CNTNAP2: variants seen among roughly 807,000 people sequenced by gnomAD.
The protein encoded by CNTNAP2 is contactin associated protein 2.
CNTNAP2 carries 98 observed loss-of-function variants against 155.2 expected under a neutral mutation model. That is an observed-to-expected ratio of 0.63 (90% confidence interval 0.54 to 0.75). The LOEUF is 0.75. Ranked by LOEUF, CNTNAP2 falls within the 30% of genes least tolerant of loss-of-function variation. The pLI is 0.00. For synonymous variants in CNTNAP2, 651 were observed against 631.2 expected, an observed-to-expected ratio of 1.03 and a Z score of -0.47; for missense variants, 1,727 against 1,688.1, an observed-to-expected ratio of 1.02 and a Z score of -0.40.
chr7:147,028,360 G>A (rs763507088), intron 3 of CNTNAP2, among the ~76,000 whole-genome samples: 2 of 152,208 alleles, frequency 1.3e-5, no homozygotes, highest in Non-Finnish European at 2.9e-5. Flanking sequence ...TATTGTAACT[G>A]AAGAAGTGAG....
chr7:147,652,309 G>A lies in CNTNAP2; in HGVS notation c.2098+13003G>A, dbSNP rs73744517. On this transcript the variant is annotated intron_variant, in intron 13 of 23. Coordinates refer to ENST00000361727, the MANE Select transcript of CNTNAP2 (RefSeq NM_014141.6). ...CCACAGCCATTATGACCTTCATCCC[G>A]TATCTTAAAATCTCTATAAAAACAT... is the stretch of plus-strand genomic sequence containing the variant. Among the ~76,000 whole-genome samples, 1,027 of 152,176 alleles carry A rather than the reference G, an allele frequency of 6.7e-3. 17 individuals carry two copies. The highest frequency in any genetic ancestry group is 0.024 in the African/African-American group (992 of 41,530).
chr7:148,147,324 T>C (rs1805202814), intron 16 of CNTNAP2, among the ~76,000 whole-genome samples, 167 bp from the exon 17 acceptor site: 1 of 152,214 alleles, frequency 6.6e-6, no homozygotes, highest in African/African-American at 2.4e-5. Flanking sequence ...TAATGGTTAA[T>C]GATTGACATT....
intron 2 of CNTNAP2, among the ~76,000 whole-genome samples, chr7:146,782,595 G>A (rs1017444935): frequency 5.9e-5 from 9 of 152,114 alleles, no homozygotes; most frequent in Non-Finnish European, 1.3e-4. Flanking sequence ...TAATGATAAA[G>A]GATATAATAT....
chr7:147,725,305 A>C (rs1796624321), intron 13 of CNTNAP2, among the ~76,000 whole-genome samples: 1 of 152,102 alleles, frequency 6.6e-6, no homozygotes, highest in South Asian at 2.1e-4. Context: ...AAGCCAAAGA[A>C]GCCATTAAGA....
At chr7:147,035,350 A>C (rs1287670490) in intron 3 of CNTNAP2, among the ~76,000 whole-genome samples, 1 of 152,256 alleles carries the variant, frequency 6.6e-6, no homozygotes, top group Non-Finnish European at 1.5e-5. Context: ...CTAGTCCTGG[A>C]AACTCACATC....
At chr7:147,213,219 G>A (rs969480588) in intron 8 of CNTNAP2, among the ~76,000 whole-genome samples, 5 of 152,102 alleles carry the variant, frequency 3.3e-5, no homozygotes, top group African/African-American at 1.2e-4. Context: ...GAAGAGGAGG[G>A]ATGTCCCAAC....
chr7:147,488,502 A>G (rs1189760904), intron 11 of CNTNAP2, among the ~76,000 whole-genome samples: 1 of 152,176 alleles, frequency 6.6e-6, no homozygotes, highest in Non-Finnish European at 1.5e-5. Context: ...CAGAAGACCA[A>G]GCATTCATCT....
chr7:148,186,314 CTTTA>C (rs1246242468), intron 18 of CNTNAP2, among the ~76,000 whole-genome samples: 1 of 152,188 alleles, frequency 6.6e-6, no homozygotes, highest in East Asian at 1.9e-4. Context: ...ATATGATCAC[CTTTA>C]TTTACAAAAT....
At chr7:147,670,723 G>T (rs1245465927) in intron 13 of CNTNAP2, among the ~76,000 whole-genome samples, 1 of 152,132 alleles carries the variant, frequency 6.6e-6, no homozygotes, top group Admixed American at 6.5e-5. Context: ...TTCCATTGGC[G>T]GTAAAATCCC....
chr7:146,597,289 C>G (rs347183), intron 1 of CNTNAP2, among the ~76,000 whole-genome samples: 124,805 of 152,022 alleles, frequency 0.82, 51,787 homozygotes, highest in South Asian at 0.9. Context: ...TACTATAATA[C>G]GATCATCTGC....
intron 11 of CNTNAP2, among the ~76,000 whole-genome samples, chr7:147,511,708 C>A (rs896261889): frequency 6.6e-6 from 1 of 152,078 alleles, no homozygotes; most frequent in African/African-American, 2.4e-5. Context: ...TCCAATCATA[C>A]TTAGTCGCTG....
At chr7:148,105,585 A>ATTTTTTTTTTTT (rs1362608028) in intron 15 of CNTNAP2, among the ~76,000 whole-genome samples, 1 of 134,068 alleles carries the variant, frequency 7.5e-6, no homozygotes, top group Non-Finnish European at 1.5e-5. Flanking sequence ...TTTATTTTTT[A>ATTTTTTTTTTTT]TTTTTTTTTT....
intron 1 of CNTNAP2, among the ~76,000 whole-genome samples, chr7:146,503,212 T>A (rs1430281466): frequency 6.6e-6 from 1 of 152,204 alleles, no homozygotes; most frequent in African/African-American, 2.4e-5. Flanking sequence ...CATGTAATTT[T>A]TTTGTTTGTT....
chr7:146,880,152 G>A (rs1322959806), intron 3 of CNTNAP2, among the ~76,000 whole-genome samples: 1 of 151,966 alleles, frequency 6.6e-6, no homozygotes, highest in African/African-American at 2.4e-5. Context: ...ATATATCACA[G>A]ATAATAATGA....
intron 1 of CNTNAP2, among the ~76,000 whole-genome samples, chr7:146,769,471 G>T (rs917131161): frequency 2.0e-5 from 3 of 152,140 alleles, no homozygotes; most frequent in Non-Finnish European, 4.4e-5. Flanking sequence ...ATAGTATATT[G>T]TAATAGTCAG....
chr7:146,360,600 G>T (rs1584888657), intron 1 of CNTNAP2, among the ~76,000 whole-genome samples: 1 of 152,112 alleles, frequency 6.6e-6, no homozygotes, highest in African/African-American at 2.4e-5. Flanking sequence ...AGCTGTATTT[G>T]CCCTAAAGAC....
chr7:147,162,166 G>A (rs1391564350), intron 8 of CNTNAP2: 1 of 152,026 alleles, frequency 6.6e-6, no homozygotes, highest in Non-Finnish European at 1.5e-5. Context: ...TTCAACTCTG[G>A]GACATGTGGG....
intron 19 of CNTNAP2, among the ~76,000 whole-genome samples, chr7:148,224,494 A>C (rs1474261526): frequency 6.6e-6 from 1 of 152,246 alleles, no homozygotes; most frequent in East Asian, 1.9e-4. Flanking sequence ...TTGAAAATAA[A>C]GTAGCAGGAG....
intron 8 of CNTNAP2, among the ~76,000 whole-genome samples, chr7:147,256,011 G>A (rs1321367740): frequency 6.6e-6 from 1 of 152,164 alleles, no homozygotes; most frequent in East Asian, 1.9e-4. Context: ...GAAGTGCTGG[G>A]ATTACAGGTG....
Sources: allele counts gnomAD v4.1 joint callset (sites outside exome capture counted in the v4.1 genomes callset), GRCh38; gene constraint gnomAD v4.1.1; transcripts MANE v1.5; gene names NCBI Gene and HGNC (gene_info 2026-07-23, HGNC 2026-07-21).